NTRK3: variants seen among roughly 807,000 people sequenced by gnomAD.
The protein encoded by NTRK3 is neurotrophic receptor tyrosine kinase 3.
A neutral mutation model predicts 91.7 loss-of-function variants in NTRK3; 24 were observed. The observed-to-expected ratio is 0.26, with a 90% CI of 0.19 to 0.37. The LOEUF (loss-of-function observed/expected upper bound fraction) is 0.37, where lower values mean the gene tolerates loss of function less well. NTRK3 is among the 10% of genes least tolerant of loss of function. The pLI, the probability that NTRK3 is intolerant of heterozygous loss-of-function variation, is 1.00. For missense variants in NTRK3, 880 were observed against 1,068.9 expected, an observed-to-expected ratio of 0.82 and a Z score of 2.46; for synonymous variants, 483 against 404.0, an observed-to-expected ratio of 1.20 and a Z score of -2.34.
intron 14 of NTRK3, among the ~76,000 whole-genome samples, chr15:88,012,747 G>A (rs2076967380): frequency 1.3e-5 from 2 of 152,088 alleles, no homozygotes; most frequent in Non-Finnish European, 2.9e-5. Flanking sequence ...TTTGATCGGG[G>A]GAAAAAGGAA....
chr15:88,182,543 T>A (rs569706363), intron 5 of NTRK3, among the ~76,000 whole-genome samples: 1 of 152,038 alleles, frequency 6.6e-6, no homozygotes, highest in African/African-American at 2.4e-5. Context: ...CCAAAGGCAA[T>A]AGACCCCTCC....
chr15:88,206,283 C>T (rs1216217259), intron 3 of NTRK3, among the ~76,000 whole-genome samples: 23 of 136,294 alleles, frequency 1.7e-4, no homozygotes, highest in South Asian at 7.5e-4. Context: ...GGGGCGGAGC[C>T]TGCAGTGAGC....
intron 14 of NTRK3, among the ~76,000 whole-genome samples, chr15:87,991,062 T>C (rs1435710053): frequency 1.3e-5 from 2 of 152,204 alleles, no homozygotes; most frequent in African/African-American, 2.4e-5. Flanking sequence ...CACTCTTTGA[T>C]CATTTTACCT....
intron 5 of NTRK3, among the ~76,000 whole-genome samples, chr15:88,165,190 G>A (rs1442219428): frequency 6.6e-6 from 1 of 152,164 alleles, no homozygotes; most frequent in Non-Finnish European, 1.5e-5. Context: ...GCCAAAGGCT[G>A]GCACTCTCAG....
At position 87,998,035 on chromosome 15, in the gene NTRK3, G is replaced by T. The variant is rs1306718643; in HGVS notation, c.1585+34822C>A. ...AATTATCTTTGAATGTTAGTGCAAT[G>T]ACATTTTGGACCAGATAATTCTTGG... On this transcript the variant is annotated intron_variant, in intron 14 of 18. Transcript: ENST00000394480. Among the ~76,000 whole-genome samples the T allele has an allele frequency of 5.9e-5, 9 of 152,326 alleles. No homozygotes were observed. The East Asian group carries it at 1.7e-3, about 29-fold the overall frequency.
intron 14 of NTRK3, among the ~76,000 whole-genome samples, chr15:87,988,668 GTTTA>G (rs914749284): frequency 4.1e-4 from 63 of 152,096 alleles, no homozygotes; most frequent in African/African-American, 1.4e-3. Flanking sequence ...GTTGATTTTT[GTTTA>G]TTGATCCTAT....
At chr15:88,020,553 T>C (rs909733231) in intron 14 of NTRK3, among the ~76,000 whole-genome samples, 2 of 152,202 alleles carry the variant, frequency 1.3e-5, no homozygotes, top group Non-Finnish European at 2.9e-5. Context: ...ATTGTAATGA[T>C]AGTTGTAAAA....
intron 14 of NTRK3, among the ~76,000 whole-genome samples, chr15:88,018,311 T>C (rs2077376267): frequency 6.6e-6 from 1 of 152,166 alleles, no homozygotes; most frequent in African/African-American, 2.4e-5. Context: ...GTGAGCACCA[T>C]GGGTCACCCA....
chr15:88,075,223 G>T (rs1029647603), intron 13 of NTRK3, among the ~76,000 whole-genome samples: 37 of 152,266 alleles, frequency 2.4e-4, no homozygotes, highest in African/African-American at 8.7e-4. Context: ...TGCATGCTGG[G>T]CCTGAGCCAA....
intron 14 of NTRK3, among the ~76,000 whole-genome samples, chr15:88,016,485 G>A (rs969673334): frequency 2.0e-5 from 3 of 152,202 alleles, no homozygotes; most frequent in African/African-American, 7.2e-5. Flanking sequence ...GGATCACTTT[G>A]CTGAAAACAA....
At chr15:88,081,760 C>A (rs1365174033) in intron 13 of NTRK3, among the ~76,000 whole-genome samples, 1 of 152,188 alleles carries the variant, frequency 6.6e-6, no homozygotes, top group Non-Finnish European at 1.5e-5. Flanking sequence ...CCCATGCCCG[C>A]TTGTTCCTCC....
rs116014404 is a variant in NTRK3 at position 88,174,717 on chromosome 15, C to A, written c.395+8701G>T. 3.8e-3 allele frequency among the ~76,000 whole-genome samples: 580 copies of A among 152,326 alleles called. 7 individuals are homozygous for A. Among genetic ancestry groups the A allele is most frequent in the African/African-American group, 0.013 (545 of 41,560 alleles). On this transcript the variant is annotated intron_variant, in intron 5 of 18. Coordinates refer to ENST00000394480, the Ensembl canonical transcript of NTRK3. ...GTGCCATAAGCAGGCTGTCTGCCAA[C>A]CCAAGCCCACTCTCCTCCAAAGCCA...
chr15:87,896,750 G>C (rs1368118366), intron 17 of NTRK3, among the ~76,000 whole-genome samples: 2 of 152,120 alleles, frequency 1.3e-5, no homozygotes, highest in East Asian at 3.9e-4. Flanking sequence ...CCCCAGTTAT[G>C]GAAACCCCAC....
intron 17 of NTRK3, among the ~76,000 whole-genome samples, chr15:87,887,024 A>G (rs937116035): frequency 6.6e-6 from 1 of 152,094 alleles, no homozygotes. Flanking sequence ...TTTCAATAAC[A>G]GAGTCCTAAA....
At chr15:88,039,483 A>C (rs796407764) in intron 13 of NTRK3, among the ~76,000 whole-genome samples, 2 of 152,270 alleles carry the variant, frequency 1.3e-5, no homozygotes, top group African/African-American at 4.8e-5. Context: ...TGGCCCTGAC[A>C]GGTGTCTTTC....
intron 6 of NTRK3, among the ~76,000 whole-genome samples, chr15:88,145,472 G>C (rs911755628): frequency 9.9e-5 from 15 of 152,210 alleles, no homozygotes; most frequent in Middle Eastern, 6.8e-3. Context: ...TCCTCCATAA[G>C]TCACATCTAA....
intron 13 of NTRK3, among the ~76,000 whole-genome samples, chr15:88,120,192 G>T (rs1000559098): frequency 1.3e-5 from 2 of 152,208 alleles, no homozygotes; most frequent in Admixed American, 1.3e-4. Flanking sequence ...TAACAAGAAT[G>T]TTCAATGTGG....
exon 19 of NTRK3, chr15:87,865,903 TA>T (rs2064661257): frequency 8.7e-6 from 2 of 230,044 alleles, no homozygotes; most frequent in East Asian, 1.2e-4. Flanking sequence ...GCAAAACTTC[TA>T]AAAAACAGAC....
intron 3 of NTRK3, among the ~76,000 whole-genome samples, chr15:88,190,744 G>A (rs754296599): frequency 6.6e-6 from 1 of 152,132 alleles, no homozygotes; most frequent in Admixed American, 6.5e-5. Context: ...ATGCCTTCAG[G>A]CCAGTTACTA....
Sources: gnomAD v4.1 joint callset for allele counts (sites outside exome capture counted in the v4.1 genomes callset) on GRCh38, gnomAD v4.1.1 for gene constraint, MANE v1.5 for transcripts, NCBI Gene and HGNC (gene_info 2026-07-23, HGNC 2026-07-21) for gene names.